The following CARMIL1 variants were observed in gnomAD, a reference collection of about 807,000 sequenced individuals.
CARMIL1 encodes capping protein regulator and myosin 1 linker 1.
Under a neutral mutation model 177.1 loss-of-function variants are expected in CARMIL1, and 90 were observed. The ratio of observed to expected loss-of-function variants is 0.51; its 90% CI spans 0.43 to 0.61. CARMIL1 has a LOEUF of 0.61. Among genes scored for constraint, CARMIL1 ranks in the 20% least tolerant of loss-of-function variants. CARMIL1 has a pLI of 0.00. For missense variants in CARMIL1, 1,380 were observed against 1,667.0 expected, an observed-to-expected ratio of 0.83 and a Z score of 3.00; for synonymous variants, 577 against 606.2, an observed-to-expected ratio of 0.95 and a Z score of 0.71.
intron 36 of CARMIL1, among the ~76,000 whole-genome samples, chr6:25,611,969 A>G (rs554823458): frequency 1.3e-5 from 2 of 152,314 alleles, no homozygotes; most frequent in South Asian, 4.1e-4. Context: ...TTAGGGGTAT[A>G]TGTTTGATTC....
Position 25,566,566 on chromosome 6 carries a change from G to A in CARMIL1, c.2742+9716G>A, listed in dbSNP as rs1029977601. Among the ~76,000 whole-genome samples the A allele has an allele frequency of 4.6e-5, 7 of 152,148 alleles. No homozygotes were observed. The East Asian group carries it at 7.7e-4, about 17-fold the overall frequency. On this transcript the variant is annotated intron_variant, in intron 29 of 36. Transcript: ENST00000329474. The stretch of plus-strand genomic sequence containing the variant: ...GCCAAAGAAGCCTTCCAGTCACCTC[G>A]CATATTATATTATCTTAGCACTTAT...
At chr6:25,332,962 T>G (rs552647664) in intron 2 of CARMIL1, among the ~76,000 whole-genome samples, 1 of 152,134 alleles carries the variant, frequency 6.6e-6, no homozygotes, top group Non-Finnish European at 1.5e-5. Flanking sequence ...GAGTCCTTCA[T>G]TGGGGTCTAG....
At chr6:25,472,625 T>C (rs1801189793) in intron 11 of CARMIL1, 104 bp downstream of exon 11, 1 of 871,428 alleles carries the variant, frequency 1.1e-6, no homozygotes, top group South Asian at 1.7e-5. Flanking sequence ...GTTGTAATTA[T>C]AAGTGCTGTT....
chr6:25,543,674 G>T (rs1268208371), intron 26 of CARMIL1, among the ~76,000 whole-genome samples: 1 of 152,102 alleles, frequency 6.6e-6, no homozygotes, highest in East Asian at 1.9e-4. Context: ...CTTTACTTAT[G>T]ATATGAGGCC....
At chr6:25,548,623 C>T (rs1263495767) in intron 26 of CARMIL1, among the ~76,000 whole-genome samples, 1 of 152,130 alleles carries the variant, frequency 6.6e-6, no homozygotes, top group East Asian at 1.9e-4. Context: ...GGCTGCAGTC[C>T]TCTCTTATCT....
intron 2 of CARMIL1, among the ~76,000 whole-genome samples, chr6:25,405,238 A>G (rs987176038): frequency 6.6e-6 from 1 of 152,240 alleles, no homozygotes; most frequent in Non-Finnish European, 1.5e-5. Flanking sequence ...TATTTTTAAA[A>G]ATAGCTTTGC....
At chr6:25,288,182 A>G (rs1258631277) in intron 2 of CARMIL1, among the ~76,000 whole-genome samples, 2 of 152,194 alleles carry the variant, frequency 1.3e-5, no homozygotes, top group African/African-American at 4.8e-5. Context: ...AAGCGAAGAG[A>G]GTGGAGACAT....
In CARMIL1 at chr6:25,435,548, G is replaced by A. The variant is rs1293014217; in HGVS notation, c.315G>A (p.Glu105=). 6.4e-7 allele frequency: 1 copy of A among 1,559,686 alleles called. No homozygotes were observed. The highest frequency in any genetic ancestry group is 8.7e-7 in the Non-Finnish European group (1 of 1,150,948). ...TGGCGTCACCCGAGGACGTGAGTGA[G>A]GTGCTGGCTCACATAGGCACCTGCC... ...MKMASPEDVS[E]VLAHIGTCLR... is the part of the protein sequence containing the mutation. The change falls in exon 5 of 37, where the codon GAG becomes GAA. Residue 105 remains glutamate, a synonymous_variant. Transcript: ENST00000329474.
At chr6:25,321,275 C>G (rs1016536751) in intron 2 of CARMIL1, among the ~76,000 whole-genome samples, 1 of 152,178 alleles carries the variant, frequency 6.6e-6, no homozygotes, top group Non-Finnish European at 1.5e-5. Context: ...TTAGGGGGTT[C>G]TGTGGCAAAA....
intron 23 of CARMIL1, among the ~76,000 whole-genome samples, chr6:25,522,174 A>G (rs1019396807): frequency 6.6e-6 from 1 of 152,182 alleles, no homozygotes; most frequent in African/African-American, 2.4e-5. Flanking sequence ...ATTTCTTACC[A>G]GAATTGTTGT....
rs142338343 is a variant in CARMIL1 at position 25,543,345 on chromosome 6, G to A, written c.2328+3267G>A. On this transcript the variant is annotated intron_variant, in intron 26 of 36. Coordinates refer to ENST00000329474, the MANE Select transcript of CARMIL1 (RefSeq NM_017640.6). ...GCAAAATAAATGGCCAGATAAGCCA[G>A]CCTTCTTAGTATACTTCCTGGAGGA... Among the ~76,000 whole-genome samples, 229 of 152,274 alleles carry A rather than the reference G, an allele frequency of 1.5e-3. 3 individuals are homozygous for A. The highest frequency in any genetic ancestry group is 6.1e-3 in the Admixed American group (93 of 15,302).
intron 2 of CARMIL1, among the ~76,000 whole-genome samples, chr6:25,316,422 G>GT (rs1292516365): frequency 8.2e-6 from 1 of 121,790 alleles, no homozygotes; most frequent in Non-Finnish European, 1.8e-5. Flanking sequence ...ATTCCAGAGG[G>GT]CTTTTTTTTT....
At chr6:25,319,335 ATAT>A (rs1420731571) in intron 2 of CARMIL1, among the ~76,000 whole-genome samples, 1 of 151,968 alleles carries the variant, frequency 6.6e-6, no homozygotes, top group Non-Finnish European at 1.5e-5. Flanking sequence ...TTTAGTAATA[ATAT>A]TTAATATTAA....
At chr6:25,571,590 T>C (rs1263890432) in intron 29 of CARMIL1, among the ~76,000 whole-genome samples, 3 of 151,876 alleles carry the variant, frequency 2.0e-5, no homozygotes, top group African/African-American at 7.3e-5. Context: ...ACTTTACAAT[T>C]AGTACTTTAC....
chr6:25,410,101 T>C (rs957309389), intron 2 of CARMIL1, among the ~76,000 whole-genome samples: 4 of 97,086 alleles, frequency 4.1e-5, no homozygotes, highest in Non-Finnish European at 7.9e-5. Flanking sequence ...CGCCGCCATA[T>C]GGCAACCACC....
chr6:25,462,811 A>G (rs972190065), intron 8 of CARMIL1, among the ~76,000 whole-genome samples: 30 of 152,170 alleles, frequency 2.0e-4, no homozygotes, highest in African/African-American at 5.3e-4. Context: ...GATAGTTGAG[A>G]AGGGGTTTTT....
At chr6:25,319,297 T>G (rs1373849355) in intron 2 of CARMIL1, among the ~76,000 whole-genome samples, 1 of 152,142 alleles carries the variant, frequency 6.6e-6, no homozygotes, top group Admixed American at 6.5e-5. Flanking sequence ...TTGCAAGTAA[T>G]AAAATATATT....
At chr6:25,495,472 C>T (rs1008634594) in intron 16 of CARMIL1, among the ~76,000 whole-genome samples, 1 of 151,952 alleles carries the variant, frequency 6.6e-6, no homozygotes, top group Non-Finnish European at 1.5e-5. Flanking sequence ...AAGTTGTACT[C>T]CCAGGTACTT....
chr6:25,475,132 G>A (rs1801423174), intron 11 of CARMIL1, among the ~76,000 whole-genome samples: 4 of 152,360 alleles, frequency 2.6e-5, no homozygotes, highest in South Asian at 2.1e-4. Flanking sequence ...TTGGCTGGGC[G>A]TGGTGGCTCA....
Sources: gnomAD v4.1 joint callset for allele counts (sites outside exome capture counted in the v4.1 genomes callset) on GRCh38, gnomAD v4.1.1 for gene constraint, MANE v1.5 for transcripts, NCBI Gene and HGNC (gene_info 2026-07-23, HGNC 2026-07-21) for gene names.